NECAB1: variants seen among roughly 807,000 people sequenced by gnomAD.
NECAB1 encodes N-terminal EF-hand calcium-binding protein 1.
A neutral mutation model predicts 57.5 loss-of-function variants in NECAB1; 29 were observed. That is an observed-to-expected ratio of 0.50 (90% CI 0.38 to 0.69). The LOEUF (loss-of-function observed/expected upper bound fraction) is 0.69, where lower values mean the gene tolerates loss of function less well. Among genes scored for constraint, NECAB1 ranks in the 30% least tolerant of loss-of-function variants. NECAB1 has a pLI of 0.00. For synonymous variants in NECAB1, 142 were observed against 147.7 expected (o/e 0.96, Z 0.28); for missense variants, 372 against 413.8 (o/e 0.90, Z 0.88).
intron 6 of NECAB1, among the ~76,000 whole-genome samples, chr8:90,924,300 G>A (rs896771041): frequency 6.6e-6 from 1 of 152,108 alleles, no homozygotes; most frequent in African/African-American, 2.4e-5. Context: ...CTTTCATTAT[G>A]CACCTTTTCT....
At chr8:90,875,844 C>CAAAAAAAAAAAA (rs5893141) in intron 4 of NECAB1, among the ~76,000 whole-genome samples, 18 of 88,412 alleles carry the variant, frequency 2.0e-4, no homozygotes, top group African/African-American at 6.9e-4. Context: ...ACTAAAAATA[C>CAAAAAAAAAAAA]AAAAAAAAAA....
At chr8:90,874,781 A>G (rs1586075586) in intron 4 of NECAB1, among the ~76,000 whole-genome samples, 1 of 152,294 alleles carries the variant, frequency 6.6e-6, no homozygotes, top group African/African-American at 2.4e-5. Flanking sequence ...TCTCATATAC[A>G]TTATTCTCAC....
At chr8:90,871,827 A>T (rs1446098493) in intron 3 of NECAB1, among the ~76,000 whole-genome samples, 1 of 152,150 alleles carries the variant, frequency 6.6e-6, no homozygotes, top group Non-Finnish European at 1.5e-5. Context: ...CAGAGTCAGG[A>T]TTTGAACTCA....
intron 5 of NECAB1, among the ~76,000 whole-genome samples, chr8:90,914,647 C>T (rs1489873805): frequency 6.6e-6 from 1 of 152,150 alleles, no homozygotes; most frequent in African/African-American, 2.4e-5. Context: ...GTAAGGTTAT[C>T]AAACTCTCAT....
chr8:90,948,658 G>A (rs1433938271), intron 10 of NECAB1, among the ~76,000 whole-genome samples: 1 of 151,980 alleles, frequency 6.6e-6, no homozygotes, highest in Admixed American at 6.6e-5. Flanking sequence ...CTGTATTTTT[G>A]TAATTCAGTT....
At chr8:90,821,438 A>G (rs1812142851) in intron 2 of NECAB1, among the ~76,000 whole-genome samples, 1 of 151,428 alleles carries the variant, frequency 6.6e-6, no homozygotes, top group Non-Finnish European at 1.5e-5. Context: ...TCTAACTCTG[A>G]CTCTTCCTTC....
intron 1 of NECAB1, among the ~76,000 whole-genome samples, chr8:90,796,243 C>A (rs1024379239): frequency 6.6e-6 from 1 of 152,082 alleles, no homozygotes; most frequent in African/African-American, 2.4e-5. Context: ...CCCATCTGAC[C>A]CCAGGCAGTC....
At position 90,828,442 on chromosome 8, in the gene NECAB1, C is replaced by CTTAA. The variant is rs1812257809; in HGVS notation, c.233+3618_233+3621dup. 2.0e-5 allele frequency among the ~76,000 whole-genome samples: 3 copies of CTTAA among 152,036 alleles called. No individual in the cohort carries two copies. In the South Asian group the frequency reaches 6.2e-4, roughly 31 times the overall value. ...CCTTTCAAGCCTGCCCAGGCACAAG[C>CTTAA]TTAAGCTCAGTGCTCAGTATAATCT... On this transcript the variant is annotated intron_variant, in intron 3 of 12. Coordinates refer to ENST00000417640, the MANE Select transcript of NECAB1 (RefSeq NM_022351.5).
intron 5 of NECAB1, among the ~76,000 whole-genome samples, chr8:90,884,874 C>G (rs1190005634): frequency 6.6e-6 from 1 of 152,034 alleles, no homozygotes; most frequent in Non-Finnish European, 1.5e-5. Flanking sequence ...TGAGTCAGGC[C>G]CAAGCCTTGG....
intron 7 of NECAB1, among the ~76,000 whole-genome samples, chr8:90,925,946 A>G (rs910009348): frequency 6.6e-6 from 1 of 152,174 alleles, no homozygotes; most frequent in African/African-American, 2.4e-5. Context: ...GACGTCTATA[A>G]GGACCCCCCA....
intron 3 of NECAB1, among the ~76,000 whole-genome samples, chr8:90,829,465 C>T (rs1812270688): frequency 6.6e-6 from 1 of 152,004 alleles, no homozygotes; most frequent in South Asian, 2.1e-4. Context: ...TTTCCCAGCA[C>T]ACTGCACTTT....
intron 2 of NECAB1, among the ~76,000 whole-genome samples, chr8:90,811,689 T>A (rs1209820131): frequency 6.6e-6 from 1 of 152,232 alleles, no homozygotes; most frequent in African/African-American, 2.4e-5. Flanking sequence ...ATCTCCTTTC[T>A]TGTCTCTACA....
intron 3 of NECAB1, among the ~76,000 whole-genome samples, chr8:90,871,047 T>A (rs1808613552): frequency 6.6e-6 from 1 of 152,054 alleles, no homozygotes; most frequent in Non-Finnish European, 1.5e-5. Flanking sequence ...AAGTACCCAA[T>A]GTTTGGAATG....
intron 2 of NECAB1, chr8:90,812,808 T>G (rs910490378): frequency 2.0e-5 from 3 of 152,108 alleles, no homozygotes; most frequent in African/African-American, 4.8e-5. Flanking sequence ...AAAAGACAAA[T>G]AAGAAGATGA....
At chr8:90,918,055 G>A (rs556921864) in intron 6 of NECAB1, among the ~76,000 whole-genome samples, 3 of 148,654 alleles carry the variant, frequency 2.0e-5, no homozygotes, top group East Asian at 4.0e-4. Context: ...TGTCACCCAG[G>A]CTTGAGTGCA....
chr8:90,815,681 G>A (rs1223981804), intron 2 of NECAB1, among the ~76,000 whole-genome samples: 1 of 151,880 alleles, frequency 6.6e-6, no homozygotes, highest in Admixed American at 6.6e-5. Context: ...CTTTCAGTTA[G>A]CAATATGGAT....
chr8:90,820,490 A>T (rs1034358008), intron 2 of NECAB1, among the ~76,000 whole-genome samples: 9 of 151,904 alleles, frequency 5.9e-5, no homozygotes, highest in African/African-American at 2.2e-4. Flanking sequence ...CAATATTTAA[A>T]GTGTTCAAAA....
At chr8:90,857,370 C>T (rs906427899) in intron 3 of NECAB1, among the ~76,000 whole-genome samples, 2 of 152,014 alleles carry the variant, frequency 1.3e-5, no homozygotes, top group Non-Finnish European at 2.9e-5. Flanking sequence ...AGACACAGTG[C>T]GAAACAGCCA....
At chr8:90,837,718 T>C (rs1812391507) in intron 3 of NECAB1, among the ~76,000 whole-genome samples, 1 of 152,248 alleles carries the variant, frequency 6.6e-6, no homozygotes, top group Admixed American at 6.5e-5. Flanking sequence ...CTAGTGTCTC[T>C]GAGTCTCTTC....
Sources: allele counts gnomAD v4.1 joint callset (sites outside exome capture counted in the v4.1 genomes callset), GRCh38; gene constraint gnomAD v4.1.1; transcripts MANE v1.5; gene names NCBI Gene and HGNC (gene_info 2026-07-23, HGNC 2026-07-21).